Variants in DPP10 observed in about 807,000 individuals in gnomAD.
DPP10 encodes inactive dipeptidyl peptidase 10.
Under a neutral mutation model 120.9 loss-of-function variants are expected in DPP10, and 33 were observed. That is an observed-to-expected ratio of 0.27 (90% CI 0.21 to 0.37). DPP10 has a LOEUF of 0.37. DPP10 is among the 10% of genes least tolerant of loss of function. The probability of loss-of-function intolerance (pLI) is 1.00; values close to 1 mark genes in which losing one functional copy is unlikely to be tolerated. For synonymous variants in DPP10, 337 were observed against 326.1 expected, an observed-to-expected ratio of 1.03 and a Z score of -0.36; for missense variants, 816 against 942.8, an observed-to-expected ratio of 0.87 and a Z score of 1.76.
At position 114,536,196 on chromosome 2, in the gene DPP10, G is replaced by A. The variant is rs553792598; in HGVS notation, c.60+93358G>A. Reference sequence around the variant, plus strand: ...CCCATGATTTTATTCCTCATGTCTTGCATGCTGCCTGACAGTGTAGAATGT... The same window carrying A: ...CCCATGATTTTATTCCTCATGTCTTACATGCTGCCTGACAGTGTAGAATGT... On this transcript the variant is annotated intron_variant, in intron 1 of 25. Coordinates refer to ENST00000410059, the MANE Select transcript of DPP10 (RefSeq NM_020868.6). 6.6e-5 allele frequency among the ~76,000 whole-genome samples: 10 copies of A among 152,072 alleles called. No homozygotes were observed. The South Asian group carries it at 1.9e-3, about 28-fold the overall frequency.
chr2:114,546,202 C>G (rs530666964), intron 1 of DPP10, among the ~76,000 whole-genome samples: 1 of 152,136 alleles, frequency 6.6e-6, no homozygotes, highest in Admixed American at 6.5e-5. Context: ...GTTCTGCAGA[C>G]CGTGCAGGAA....
Position 115,261,858 on chromosome 2 carries a change from G to A in DPP10, c.61-47381G>A, listed in dbSNP as rs148045748. ...AGATACAAGCTTCCTCCTAAAACACGTCACAATCAGGTTTTGCTAGACAGC... is the reference window on the plus strand; with the variant it reads ...AGATACAAGCTTCCTCCTAAAACACATCACAATCAGGTTTTGCTAGACAGC... On this transcript the variant is annotated intron_variant, in intron 1 of 25. Coordinates refer to ENST00000410059, the MANE Select transcript of DPP10 (RefSeq NM_020868.6). Among the ~76,000 whole-genome samples, 21 of 152,158 alleles carry A rather than the reference G, an allele frequency of 1.4e-4. No homozygotes were observed. The East Asian group carries it at 3.3e-3, about 24-fold the overall frequency.
intron 2 of DPP10, among the ~76,000 whole-genome samples, chr2:115,325,313 G>A (rs2062295158): frequency 6.6e-6 from 1 of 152,132 alleles, no homozygotes; most frequent in Admixed American, 6.6e-5. Context: ...CAATAAAAAT[G>A]TCAGAGAATT....
intron 1 of DPP10, among the ~76,000 whole-genome samples, chr2:114,750,992 A>G (rs925127460): frequency 5.3e-5 from 8 of 152,218 alleles, no homozygotes; most frequent in Non-Finnish European, 1.0e-4. Flanking sequence ...CTTTGCGGGT[A>G]TACAGAGCTG....
At chr2:114,599,950 T>G (rs2105220126) in intron 1 of DPP10, among the ~76,000 whole-genome samples, 1 of 151,870 alleles carries the variant, frequency 6.6e-6, no homozygotes, top group South Asian at 2.1e-4. Flanking sequence ...GCTTCAAATA[T>G]TTTTATAAAT....
chr2:115,449,727 A>G (rs977601369), intron 3 of DPP10, among the ~76,000 whole-genome samples: 1 of 152,052 alleles, frequency 6.6e-6, no homozygotes, highest in Admixed American at 6.6e-5. Context: ...ATGAATTAGA[A>G]AATTATTCCC....
At chr2:115,372,804 G>A (rs1180090103) in intron 3 of DPP10, among the ~76,000 whole-genome samples, 1 of 152,188 alleles carries the variant, frequency 6.6e-6, no homozygotes, top group East Asian at 1.9e-4. Flanking sequence ...GGGAGAATGA[G>A]TGCAGTTATT....
chr2:115,781,127 C>T, intron 16 of DPP10, 132 bp downstream of exon 16: 8 of 628,660 alleles, frequency 1.3e-5, no homozygotes, highest in Non-Finnish European at 1.7e-5. Context: ...ATAGGATATA[C>T]ATTATATATA....
At chr2:115,464,253 A>T (rs1358801544) in intron 3 of DPP10, among the ~76,000 whole-genome samples, 1 of 152,194 alleles carries the variant, frequency 6.6e-6, no homozygotes, top group Non-Finnish European at 1.5e-5. Context: ...AATGGAGATT[A>T]TTAGTTTTAC....
At chr2:115,195,644 A>G (rs1396320174) in intron 1 of DPP10, among the ~76,000 whole-genome samples, 1 of 152,116 alleles carries the variant, frequency 6.6e-6, no homozygotes, top group Non-Finnish European at 1.5e-5. Flanking sequence ...TTTTTTTGTA[A>G]TTTAGATAAC....
chr2:115,466,166 C>T (rs1042842980), intron 3 of DPP10, among the ~76,000 whole-genome samples: 4 of 152,012 alleles, frequency 2.6e-5, no homozygotes, highest in African/African-American at 7.3e-5. Context: ...GCTTTAGAAA[C>T]TTATGTGGAA....
At chr2:115,171,358 C>CAAAA (rs752738778) in intron 1 of DPP10, among the ~76,000 whole-genome samples, 45 of 114,186 alleles carry the variant, frequency 3.9e-4, no homozygotes, top group African/African-American at 4.7e-4. Flanking sequence ...GAGACTCCAT[C>CAAAA]AAAAAAAAAA....
chr2:114,494,576 T>C (rs982128497), intron 1 of DPP10, among the ~76,000 whole-genome samples: 1 of 152,170 alleles, frequency 6.6e-6, no homozygotes, highest in Non-Finnish European at 1.5e-5. Flanking sequence ...TTATTTCTAG[T>C]ACAGAGGTTC....
intron 3 of DPP10, among the ~76,000 whole-genome samples, chr2:115,386,938 A>C (rs1170136495): frequency 1.3e-5 from 2 of 152,036 alleles, no homozygotes; most frequent in African/African-American, 4.8e-5. Context: ...TTAAAATATG[A>C]AGGGCAAAAT....
At chr2:115,225,970 A>G (rs2057415353) in intron 1 of DPP10, among the ~76,000 whole-genome samples, 1 of 152,242 alleles carries the variant, frequency 6.6e-6, no homozygotes, top group East Asian at 1.9e-4. Flanking sequence ...ATTACTCACT[A>G]GCAGTATCAT....
chr2:115,782,276 A>G (rs549021448), intron 16 of DPP10, 76 bp from the exon 17 acceptor site: 10 of 1,302,162 alleles, frequency 7.7e-6, no homozygotes, highest in Admixed American at 7.7e-5. Flanking sequence ...GGGGGAAAAA[A>G]CTATTATGTA....
intron 1 of DPP10, among the ~76,000 whole-genome samples, chr2:114,988,421 G>T (rs1574641968): frequency 6.6e-6 from 1 of 152,304 alleles, no homozygotes; most frequent in Middle Eastern, 3.4e-3. Context: ...ATGGCAAAAA[G>T]CCAAGACTCT....
chr2:115,462,450 C>T (rs2074044552), intron 3 of DPP10, among the ~76,000 whole-genome samples: 1 of 152,026 alleles, frequency 6.6e-6, no homozygotes. Flanking sequence ...TACTAATTTC[C>T]CATTTCCTAA....
At chr2:115,240,996 C>T (rs867832000) in intron 1 of DPP10, among the ~76,000 whole-genome samples, 40 of 152,230 alleles carry the variant, frequency 2.6e-4, no homozygotes, top group African/African-American at 8.9e-4. Flanking sequence ...GTTGGTCGGG[C>T]GCAGTGGCTC....
Sources: allele counts gnomAD v4.1 joint callset (sites outside exome capture counted in the v4.1 genomes callset), GRCh38; gene constraint gnomAD v4.1.1; transcripts MANE v1.5; gene names NCBI Gene and HGNC (gene_info 2026-07-23, HGNC 2026-07-21).